TNNI3K: variants seen among roughly 807,000 people sequenced by gnomAD.
TNNI3K encodes TNNI3 interacting kinase, also known as serine/threonine-protein kinase TNNI3K.
Under a neutral mutation model 114.5 loss-of-function variants are expected in TNNI3K, and 140 were observed. The observed-to-expected ratio is 1.22, with a 90% CI of 1.07 to 1.41. The LOEUF (loss-of-function observed/expected upper bound fraction) is 1.41. TNNI3K is among the 40% of genes most tolerant of loss of function. The pLI, the probability that TNNI3K is intolerant of heterozygous loss-of-function variation, is 0.00. For synonymous variants in TNNI3K, 347 were observed against 347.5 expected, an observed-to-expected ratio of 1.00 and a Z score of 0.02; for missense variants, 1,125 against 1,007.6, an observed-to-expected ratio of 1.12 and a Z score of -1.58.
chr1:74,482,474 G>A lies in TNNI3K; in HGVS notation c.2122-6715G>A, dbSNP rs79050197. Among the ~76,000 whole-genome samples, 1,370 of 152,272 alleles carry A rather than the reference G, an allele frequency of 9.0e-3. 11 individuals are homozygous for A. The highest frequency in any genetic ancestry group is 0.027 in the African/African-American group (1,120 of 41,562). On this transcript the variant is annotated intron_variant, in intron 21 of 24. Transcript: ENST00000326637. ...GTTAAAGCATTTTCAATACTGATTA[G>A]AAACGATATACACATCAACTATCCA...
At chr1:74,428,424 T>C (rs897521732) in intron 17 of TNNI3K, among the ~76,000 whole-genome samples, 1 of 152,090 alleles carries the variant, frequency 6.6e-6, no homozygotes, top group African/African-American at 2.4e-5. Context: ...CATCACAATT[T>C]GTATTTGTAG....
At chr1:74,395,715 A>C (rs1371458448) in intron 17 of TNNI3K, among the ~76,000 whole-genome samples, 1 of 152,168 alleles carries the variant, frequency 6.6e-6, no homozygotes, top group African/African-American at 2.4e-5. Context: ...GCATGCAGGA[A>C]ACCTCCAGTG....
intron 17 of TNNI3K, among the ~76,000 whole-genome samples, chr1:74,431,610 C>A (rs564684602): frequency 1.1e-3 from 167 of 152,166 alleles, no homozygotes; most frequent in African/African-American, 2.4e-3. Context: ...GCTGAGGAGA[C>A]TAAGGAGCAA....
At chr1:74,328,270 GA>G (rs1660018807) in intron 5 of TNNI3K, among the ~76,000 whole-genome samples, 1 of 152,126 alleles carries the variant, frequency 6.6e-6, no homozygotes, top group Admixed American at 6.6e-5. Flanking sequence ...GACTTCACAA[GA>G]GTTTCATGTA....
chr1:74,336,074 C>A lies in TNNI3K; in HGVS notation c.607C>A (p.Pro203Thr), dbSNP rs201573023. ...TGTAAGTGGTGAAGTTGGAGATAGACCCCTCCACCTAGCATCTGCAAAAGG... is the reference window on the plus strand; with the variant it reads ...TGTAAGTGGTGAAGTTGGAGATAGAACCCTCCACCTAGCATCTGCAAAAGG... ...VNVSGEVGDR[P>T]LHLASAKGFL... The change falls in exon 7 of 25, where the codon CCC (proline) becomes ACC (threonine). Residue 203 changes from proline (P) to threonine (T), a missense_variant. Coordinates refer to ENST00000326637, the MANE Select transcript of TNNI3K (RefSeq NM_015978.3). The A allele has an allele frequency of 1.4e-5, 22 of 1,602,534 alleles. No individual in the cohort carries two copies. The highest frequency in any genetic ancestry group is 1.8e-5 in the Non-Finnish European group (21 of 1,176,744).
chr1:74,338,021 T>C (rs956329865), intron 7 of TNNI3K, among the ~76,000 whole-genome samples: 4 of 152,072 alleles, frequency 2.6e-5, no homozygotes, highest in Admixed American at 2.0e-4. Flanking sequence ...TCACGTCTTT[T>C]TGTGGACATA....
chr1:74,483,973 A>G (rs1668625645), intron 21 of TNNI3K, among the ~76,000 whole-genome samples: 1 of 152,166 alleles, frequency 6.6e-6, no homozygotes, highest in South Asian at 2.1e-4. Context: ...TTTACTGACT[A>G]TATTATCTTA....
chr1:74,282,366 C>T (rs1392448143), intron 5 of TNNI3K, among the ~76,000 whole-genome samples: 2 of 151,946 alleles, frequency 1.3e-5, no homozygotes, highest in Admixed American at 6.6e-5. Flanking sequence ...AAGGTGTTGG[C>T]GAATTTGATT....
chr1:74,446,474 C>A (rs1666686462), intron 20 of TNNI3K, among the ~76,000 whole-genome samples: 1 of 148,544 alleles, frequency 6.7e-6, no homozygotes. Flanking sequence ...CGAAAATTTT[C>A]TCCCATTTTG....
intron 11 of TNNI3K, among the ~76,000 whole-genome samples, chr1:74,356,516 A>G (rs1661666472): frequency 6.6e-6 from 1 of 152,156 alleles, no homozygotes; most frequent in South Asian, 2.1e-4. Flanking sequence ...AACACATTGC[A>G]TTTATTCAAG....
chr1:74,522,120 T>A (rs967444314), intron 23 of TNNI3K, among the ~76,000 whole-genome samples: 12 of 152,040 alleles, frequency 7.9e-5, no homozygotes, highest in Non-Finnish European at 1.6e-4. Flanking sequence ...TTGTTCTTTT[T>A]AAAAAAAATC....
At chr1:74,530,745 A>ATTTTTTTT (rs1646572032) in intron 23 of TNNI3K, among the ~76,000 whole-genome samples, 1 of 144,560 alleles carries the variant, frequency 6.9e-6, no homozygotes, top group Non-Finnish European at 1.5e-5. Flanking sequence ...TTTTTCCTGG[A>ATTTTTTTT]TGATAGTATA....
At chr1:74,325,419 G>A (rs1024828067) in intron 5 of TNNI3K, among the ~76,000 whole-genome samples, 2 of 152,142 alleles carry the variant, frequency 1.3e-5, no homozygotes, top group Non-Finnish European at 2.9e-5. Flanking sequence ...GTCATACATG[G>A]CAGGTATCTG....
chr1:74,539,219 G>A (rs1646696814), intron 23 of TNNI3K, among the ~76,000 whole-genome samples: 1 of 152,130 alleles, frequency 6.6e-6, no homozygotes, highest in Non-Finnish European at 1.5e-5. Context: ...AAATGTGAGG[G>A]AAAGAAGCTA....
At chr1:74,532,319 G>A (rs1215991916) in intron 23 of TNNI3K, among the ~76,000 whole-genome samples, 1 of 152,066 alleles carries the variant, frequency 6.6e-6, no homozygotes, top group African/African-American at 2.4e-5. Context: ...GATTATAAGG[G>A]ATGTTTCTCT....
chr1:74,352,464 A>G (rs1173719364), intron 9 of TNNI3K, among the ~76,000 whole-genome samples: 1 of 152,144 alleles, frequency 6.6e-6, no homozygotes, highest in Admixed American at 6.5e-5. Context: ...CTCAAGCTGC[A>G]TGCTGGGAGA....
chr1:74,521,495 G>A (rs548961951), intron 23 of TNNI3K, among the ~76,000 whole-genome samples: 3 of 151,394 alleles, frequency 2.0e-5, no homozygotes, highest in East Asian at 3.9e-4. Context: ...ACATGTAAAC[G>A]CATTATGTAT....
intron 17 of TNNI3K, among the ~76,000 whole-genome samples, chr1:74,434,303 A>G (rs1188163071): frequency 6.6e-6 from 1 of 151,892 alleles, no homozygotes; most frequent in Non-Finnish European, 1.5e-5. Flanking sequence ...TATAATTCCT[A>G]TTGCATACTA....
At chr1:74,348,115 G>T (rs1229947300) in intron 9 of TNNI3K, among the ~76,000 whole-genome samples, 1 of 152,126 alleles carries the variant, frequency 6.6e-6, no homozygotes, top group East Asian at 1.9e-4. Context: ...TTCTTCTAGG[G>T]TTTTTATGGT....
Sources: gnomAD v4.1 joint callset for allele counts (sites outside exome capture counted in the v4.1 genomes callset) on GRCh38, gnomAD v4.1.1 for gene constraint, MANE v1.5 for transcripts, NCBI Gene and HGNC (gene_info 2026-07-23, HGNC 2026-07-21) for gene names.